CNPY1: variants seen among roughly 807,000 people sequenced by gnomAD.
CNPY1 encodes canopy FGF signaling regulator 1.
A neutral mutation model predicts 14.4 loss-of-function variants in CNPY1; 14 were observed. The ratio of observed to expected loss-of-function variants is 0.97; its 90% CI spans 0.64 to 1.52. The LOEUF (loss-of-function observed/expected upper bound fraction) is 1.52. Among genes scored for constraint, CNPY1 ranks in the 40% most tolerant of loss-of-function variants. The pLI is 0.00. For missense variants in CNPY1, 129 were observed against 131.5 expected, an observed-to-expected ratio of 0.98 and a Z score of 0.09; for synonymous variants, 43 against 46.5, an observed-to-expected ratio of 0.92 and a Z score of 0.31.
chr7:155,527,445 T>C (rs1010351586), intron 2 of CNPY1, among the ~76,000 whole-genome samples: 37 of 132,924 alleles, frequency 2.8e-4, no homozygotes, highest in Non-Finnish European at 8.1e-5. Context: ...TTTTTTTTTT[T>C]TTTTTTTTTT....
chr7:155,524,719 T>C (rs1796788036), intron 2 of CNPY1, among the ~76,000 whole-genome samples: 1 of 152,190 alleles, frequency 6.6e-6, no homozygotes, highest in Non-Finnish European at 1.5e-5. Context: ...TATTACAATG[T>C]AATAATAGAA....
At chr7:155,524,855 T>A (rs1233517275) in intron 2 of CNPY1, among the ~76,000 whole-genome samples, 2 of 126,030 alleles carry the variant, frequency 1.6e-5, no homozygotes, top group Non-Finnish European at 1.6e-5. Flanking sequence ...TGGGGACCGC[T>A]GCTCTAAGGG....
intron 2 of CNPY1, among the ~76,000 whole-genome samples, chr7:155,516,450 C>T (rs1217729451): frequency 1.3e-5 from 2 of 152,100 alleles, no homozygotes; most frequent in African/African-American, 2.4e-5. Context: ...GGCTGGCCAG[C>T]GAGGAGCGGG....
intron 2 of CNPY1, among the ~76,000 whole-genome samples, chr7:155,513,613 CA>C (rs11463414): frequency 6.2e-5 from 9 of 145,050 alleles, no homozygotes; most frequent in Admixed American, 1.4e-4. Flanking sequence ...TTAGGTTGTT[CA>C]AAAAAAAAAG....
At chr7:155,541,772 T>C (rs945341881) in intron 2 of CNPY1, among the ~76,000 whole-genome samples, 1 of 152,174 alleles carries the variant, frequency 6.6e-6, no homozygotes, top group African/African-American at 2.4e-5. Flanking sequence ...CACCCTGAGG[T>C]CCTTCCCAGG....
chr7:155,545,344 G>A (rs144603681), intron 2 of CNPY1, among the ~76,000 whole-genome samples: 2 of 152,296 alleles, frequency 1.3e-5, no homozygotes, highest in African/African-American at 4.8e-5. Flanking sequence ...CTCAGGGGGA[G>A]CCCCTCTCTA....
chr7:155,520,182 T>C (rs181393707), intron 2 of CNPY1, among the ~76,000 whole-genome samples: 32 of 152,284 alleles, frequency 2.1e-4, no homozygotes, highest in African/African-American at 7.7e-4. Flanking sequence ...AATCACACTG[T>C]GAATTTCTGT....
intron 1 of CNPY1, 101 bp downstream of exon 1, chr7:155,546,328 G>A: frequency 1.5e-5 from 6 of 393,660 alleles, no homozygotes; most frequent in Non-Finnish European, 2.2e-5. Flanking sequence ...TTGGACTACA[G>A]GCATACGTCG....
chr7:155,527,094 C>T (rs749405378), intron 2 of CNPY1, among the ~76,000 whole-genome samples: 1 of 85,926 alleles, frequency 1.2e-5, no homozygotes, highest in Non-Finnish European at 2.4e-5. Context: ...CTCTGTTGCC[C>T]AGGCTGGAGG....
chr7:155,514,643 C>G (rs1796582630), intron 2 of CNPY1, among the ~76,000 whole-genome samples: 1 of 152,094 alleles, frequency 6.6e-6, no homozygotes, highest in Non-Finnish European at 1.5e-5. Context: ...ACCTGTAATC[C>G]CAGCACTTTG....
intron 2 of CNPY1, among the ~76,000 whole-genome samples, chr7:155,534,340 GGCACACATGC>G (rs1188202777): frequency 1.3e-5 from 1 of 78,770 alleles, no homozygotes; most frequent in Non-Finnish European, 3.2e-5. Flanking sequence ...CGTGCACAGA[GGCACACATGC>G]ACACACGTGC....
chr7:155,530,021 G>C (rs1217927674), intron 2 of CNPY1, among the ~76,000 whole-genome samples: 4 of 151,976 alleles, frequency 2.6e-5, no homozygotes, highest in Non-Finnish European at 4.4e-5. Context: ...AACCTCAAGT[G>C]ATCCACCCAC....
intron 2 of CNPY1, among the ~76,000 whole-genome samples, chr7:155,538,898 G>A (rs996806142): frequency 6.6e-6 from 1 of 152,128 alleles, no homozygotes; most frequent in Non-Finnish European, 1.5e-5. Context: ...GCTCCTATGG[G>A]GGAAGAATTC....
chr7:155,541,203 C>A (rs1797080313), intron 2 of CNPY1, among the ~76,000 whole-genome samples: 1 of 152,224 alleles, frequency 6.6e-6, no homozygotes. Flanking sequence ...CCTCCCCGTT[C>A]CCGCTGTTCT....
chr7:155,537,302 C>CA, intron 2 of CNPY1, among the ~76,000 whole-genome samples: 1 of 152,036 alleles, frequency 6.6e-6, no homozygotes, highest in African/African-American at 2.4e-5. Flanking sequence ...ATGCATGGAG[C>CA]AAAAATAGAG....
chr7:155,527,058 T>TTTTTCTTTCTTTCTTTC (rs1796836923), intron 2 of CNPY1, among the ~76,000 whole-genome samples: 13 of 39,576 alleles, frequency 3.3e-4, no homozygotes, highest in African/African-American at 9.2e-4. Context: ...TTCTTTCTTT[T>TTTTTCTTTCTTTCTTTC]TTTTTTTTTT....
intron 2 of CNPY1, among the ~76,000 whole-genome samples, chr7:155,535,548 G>A (rs988173990): frequency 2.0e-5 from 3 of 152,244 alleles, no homozygotes; most frequent in Non-Finnish European, 4.4e-5. Context: ...AGGACATGAA[G>A]GAAGCCGGGA....
chr7:155,531,773 T>C (rs1796941452), intron 2 of CNPY1, among the ~76,000 whole-genome samples: 1 of 152,166 alleles, frequency 6.6e-6, no homozygotes, highest in South Asian at 2.1e-4. Flanking sequence ...TCAGGCCCAA[T>C]GGGTGCCGGC....
chr7:155,520,295 T>G (rs541626239), intron 2 of CNPY1, among the ~76,000 whole-genome samples: 15 of 152,152 alleles, frequency 9.9e-5, no homozygotes, highest in Admixed American at 4.6e-4. Flanking sequence ...CGAGAGCCCA[T>G]GGTAGAAGGA....
Sources: allele counts gnomAD v4.1 joint callset (sites outside exome capture counted in the v4.1 genomes callset), GRCh38; gene constraint gnomAD v4.1.1; transcripts MANE v1.5; gene names NCBI Gene and HGNC (gene_info 2026-07-23, HGNC 2026-07-21).